GLDC: variants seen among roughly 807,000 people sequenced by gnomAD.
GLDC encodes glycine dehydrogenase (decarboxylating), mitochondrial.
GLDC carries 104 observed loss-of-function variants against 121.3 expected under a neutral mutation model. The observed-to-expected ratio is 0.86, with a 90% CI of 0.73 to 1.01. The LOEUF (loss-of-function observed/expected upper bound fraction) is 1.01, where lower values mean the gene tolerates loss of function less well. Among genes scored for constraint, GLDC ranks in the 50% least tolerant of loss-of-function variants. The pLI is 0.00. For missense variants in GLDC, 1,429 were observed against 1,306.6 expected (o/e 1.09, Z -1.44); for synonymous variants, 546 against 480.6 (o/e 1.14, Z -1.78).
At chr9:6,535,917 G>GT in intron 23 of GLDC, 147 bp downstream of exon 23, 1 of 762,444 alleles carries the variant, frequency 1.3e-6, no homozygotes, top group Non-Finnish European at 2.3e-6. Flanking sequence ...AAACTTCAAA[G>GT]TAACAACTGC....
chr9:6,644,645 C>T lies in GLDC; in HGVS notation c.303G>A (p.Leu101=). 1 of 1,613,520 alleles carries T rather than the reference C, an allele frequency of 6.2e-7. No homozygotes were observed. The highest frequency in any genetic ancestry group is 8.5e-7 in the Non-Finnish European group (1 of 1,179,464). Residue 101 remains leucine, a synonymous_variant, in exon 2 of 25, where the codon TTG becomes TTA. Transcript: ENST00000321612. Reference sequence around the variant, plus strand: ...GGTCTTCCATTTTCAAGGGTCTTTTCAAACGGATGTTGGCAGGGACCGTCT... The same window carrying T: ...GGTCTTCCATTTTCAAGGGTCTTTTTAAACGGATGTTGGCAGGGACCGTCT... ...IEKTVPANIR[L]KRPLKMEDPV...
intron 16 of GLDC, among the ~76,000 whole-genome samples, chr9:6,559,235 C>A (rs1277546255): frequency 6.6e-6 from 1 of 152,170 alleles, no homozygotes; most frequent in East Asian, 1.9e-4. Context: ...ATCAACCCGG[C>A]CAGGTGCAGT....
chr9:6,602,105 T>C lies in GLDC; in HGVS notation c.1155+4A>G. The C allele has an allele frequency of 6.3e-7, 1 of 1,576,704 alleles. No individual in the cohort carries two copies. The highest frequency in any genetic ancestry group is 2.2e-5 in the East Asian group (1 of 44,732). The stretch of plus-strand genomic sequence containing the variant: ...TCAGTAGTCAGGTCAGACGTGTGAT[T>C]TACCTGAGCTGTACAGATGTTGCTG... On this transcript the variant is annotated splice_donor_region_variant and intron_variant, in intron 8 of 24. Coordinates refer to ENST00000321612, the MANE Select transcript of GLDC (RefSeq NM_000170.3).
chr9:6,618,608 T>C (rs1050057211), intron 3 of GLDC, among the ~76,000 whole-genome samples: 3 of 152,160 alleles, frequency 2.0e-5, no homozygotes, highest in African/African-American at 7.2e-5. Context: ...TGCCTGGCCT[T>C]TTTGGTTCTT....
chr9:6,611,465 A>C (rs1818854004), intron 3 of GLDC, among the ~76,000 whole-genome samples: 1 of 152,060 alleles, frequency 6.6e-6, no homozygotes, highest in Non-Finnish European at 1.5e-5. Flanking sequence ...CTGAGGCAGG[A>C]GAATCGCTTG....
chr9:6,610,437 T>A, intron 3 of GLDC, 81 bp from the exon 4 acceptor site: 1 of 1,367,906 alleles, frequency 7.3e-7, no homozygotes, highest in Non-Finnish European at 1.0e-6. Context: ...CAGAATTCAG[T>A]ACCTGAAAAT....
At chr9:6,627,554 T>G (rs1284373216) in intron 2 of GLDC, among the ~76,000 whole-genome samples, 1 of 152,112 alleles carries the variant, frequency 6.6e-6, no homozygotes, top group Non-Finnish European at 1.5e-5. Context: ...TTACCTTCTG[T>G]TGAGAACAAA....
intron 12 of GLDC, 49 bp from the exon 13 acceptor site, chr9:6,588,751 C>A: frequency 9.8e-7 from 1 of 1,018,982 alleles, no homozygotes; most frequent in Non-Finnish European, 1.6e-6. Context: ...AGATATGAGT[C>A]CATGCACATC....
At chr9:6,545,141 ATTCC>A (rs1255659871) in intron 21 of GLDC, among the ~76,000 whole-genome samples, 1 of 152,072 alleles carries the variant, frequency 6.6e-6, no homozygotes, top group Non-Finnish European at 1.5e-5. Flanking sequence ...ACCTGAGGTA[ATTCC>A]TTTCTTTCCT....
rs79920669 is a variant in GLDC, at chr9:6,577,766, A to G, written c.1850+9375T>C. Among the ~76,000 whole-genome samples, 326 of 151,308 alleles carry G rather than the reference A, an allele frequency of 2.2e-3. 2 individuals carry two copies. Among genetic ancestry groups the G allele is most frequent in the African/African-American group, 7.7e-3 (316 of 41,198 alleles). On this transcript the variant is annotated intron_variant, in intron 15 of 24. Transcript: ENST00000321612. ...ACTAAATTTTATTTCACTATATTTTATTTTCTTATAATTCCCCTCCTCTCC... is the reference window on the plus strand; with the variant it reads ...ACTAAATTTTATTTCACTATATTTTGTTTTCTTATAATTCCCCTCCTCTCC...
chr9:6,623,327 T>G (rs373286819), intron 2 of GLDC, among the ~76,000 whole-genome samples: 2 of 140,486 alleles, frequency 1.4e-5, no homozygotes, highest in East Asian at 4.2e-4. Flanking sequence ...CCCAACCCTG[T>G]GCTCTCTGAA....
At chr9:6,621,730 C>A (rs1032451066) in intron 2 of GLDC, among the ~76,000 whole-genome samples, 2 of 152,196 alleles carry the variant, frequency 1.3e-5, no homozygotes, top group Non-Finnish European at 2.9e-5. Context: ...ATTGGCTAGG[C>A]TGGTCTCGAA....
chr9:6,599,768 G>A (rs1174116285), intron 8 of GLDC, among the ~76,000 whole-genome samples: 1 of 150,780 alleles, frequency 6.6e-6, no homozygotes, highest in Non-Finnish European at 1.5e-5. Context: ...ATAAAGATCA[G>A]CTTGCTGTTC....
At position 6,550,979 on chromosome 9, in the gene GLDC, C is replaced by G. The variant is rs955345306; in HGVS notation, c.2458-65G>C. On this transcript the variant is annotated intron_variant, in intron 20 of 24. Coordinates refer to ENST00000321612, the MANE Select transcript of GLDC (RefSeq NM_000170.3). ...GCAAACACGAATGTGAAGAAACCAACCAAAAGACACCCCCAGATAAACTCC... is the reference window on the plus strand; with the variant it reads ...GCAAACACGAATGTGAAGAAACCAAGCAAAAGACACCCCCAGATAAACTCC... 4 of 984,992 alleles carry G rather than the reference C, an allele frequency of 4.1e-6. No individual in the cohort carries two copies. In the African/African-American group the frequency reaches 6.4e-5, roughly 16 times the overall value. The allele number at this position is 984,992 out of a possible 1,614,324, so 61.0% of individuals were successfully genotyped here. A position where few individuals can be genotyped will look rare whatever the true frequency, so the allele number is the denominator to read the frequency against.
chr9:6,591,106 C>A (rs757059820), intron 11 of GLDC, among the ~76,000 whole-genome samples: 1 of 152,208 alleles, frequency 6.6e-6, no homozygotes, highest in East Asian at 1.9e-4. Context: ...TCACTCTCAT[C>A]CCATGGAATG....
chr9:6,644,745 C>G (rs1448894609), intron 1 of GLDC, 53 bp from the exon 2 acceptor site: 1 of 1,255,862 alleles, frequency 8.0e-7, no homozygotes, highest in Non-Finnish European at 1.2e-6. Context: ...AAAGAGTCAC[C>G]TCTGTGTTTT....
At chr9:6,578,969 T>C (rs2129804409) in intron 15 of GLDC, among the ~76,000 whole-genome samples, 1 of 152,284 alleles carries the variant, frequency 6.6e-6, no homozygotes, top group East Asian at 1.9e-4. Context: ...GTGATCAGCC[T>C]CTGTTAATCT....
chr9:6,572,526 A>C (rs1366406417), intron 15 of GLDC, among the ~76,000 whole-genome samples: 1 of 152,150 alleles, frequency 6.6e-6, no homozygotes, highest in Non-Finnish European at 1.5e-5. Context: ...TATGAAAGCA[A>C]AAAGGATTAG....
Position 6,620,381 on chromosome 9 carries a change from G to C in GLDC, c.335-62C>G, listed in dbSNP as rs550887371. On this transcript the variant is annotated intron_variant, in intron 2 of 24. Coordinates refer to ENST00000321612, the MANE Select transcript of GLDC (RefSeq NM_000170.3). ...GTCTCAGAAAAGAGCTCTAATTACA[G>C]TTTAAATCCCTCATTTTGTTTGAGT... 2.1e-5 allele frequency: 28 copies of C among 1,360,958 alleles called. No individual in the cohort carries two copies. In the South Asian group the frequency reaches 3.1e-4, roughly 15 times the overall value. 84.3% of individuals were successfully genotyped at this position (1,360,958 alleles called of 1,614,324 possible).
Sources: allele counts gnomAD v4.1 joint callset (sites outside exome capture counted in the v4.1 genomes callset), GRCh38; gene constraint gnomAD v4.1.1; transcripts MANE v1.5; gene names NCBI Gene and HGNC (gene_info 2026-07-23, HGNC 2026-07-21).